NUAK1: variants seen among roughly 807,000 people sequenced by gnomAD.
NUAK1 encodes NUAK family SNF1-like kinase 1.
A neutral mutation model predicts 56.9 loss-of-function variants in NUAK1; 26 were observed. The observed-to-expected ratio is 0.46, with a 90% CI of 0.33 to 0.63. The LOEUF is 0.63. Among genes scored for constraint, NUAK1 ranks in the 30% least tolerant of loss-of-function variants. The pLI, the probability that NUAK1 is intolerant of heterozygous loss-of-function variation, is 0.02. For missense variants in NUAK1, 727 were observed against 876.1 expected (o/e 0.83, Z 2.15); for synonymous variants, 337 against 336.0 (o/e 1.00, Z -0.03).
At chr12:106,090,091 G>C (rs1447404998) in intron 2 of NUAK1, among the ~76,000 whole-genome samples, 1 of 152,086 alleles carries the variant, frequency 6.6e-6, no homozygotes, top group Non-Finnish European at 1.5e-5. Flanking sequence ...TCCTCCTATT[G>C]GCATCCAGAA....
chr12:106,098,902 G>T (rs2032721597), intron 2 of NUAK1, among the ~76,000 whole-genome samples: 1 of 152,042 alleles, frequency 6.6e-6, no homozygotes, highest in Non-Finnish European at 1.5e-5. Flanking sequence ...AGCTCCAGTG[G>T]GCACTTCCTT....
intron 1 of NUAK1, among the ~76,000 whole-genome samples, chr12:106,107,269 A>G (rs61417625): frequency 0.032 from 4,913 of 152,288 alleles, 275 homozygotes; most frequent in African/African-American, 0.11. Context: ...TGGAGCAATT[A>G]CTCAAAAGAA....
chr12:106,064,137 T>G lies in NUAK1; in HGVS notation c.*2665A>C, dbSNP rs2032308981. 1 of 152,652 alleles carries G rather than the reference T, an allele frequency of 6.6e-6. No homozygotes were observed. Among genetic ancestry groups the G allele is most frequent in the Non-Finnish European group, 1.5e-5 (1 of 68,040 alleles). The allele number at this position is 152,652 out of a possible 1,614,324, so 9.5% of individuals were successfully genotyped here. A position where few individuals can be genotyped will look rare whatever the true frequency, so the allele number is the denominator to read the frequency against. On this transcript the variant is annotated 3_prime_UTR_variant, in exon 7 of 7. Coordinates refer to ENST00000261402, the MANE Select transcript of NUAK1 (RefSeq NM_014840.3). ...CCTAAAAGTGTCTCTCACTTGTAATTCCACAGAAGTGAATAAAGCATAACT... is the reference window on the plus strand; with the variant it reads ...CCTAAAAGTGTCTCTCACTTGTAATGCCACAGAAGTGAATAAAGCATAACT...
intron 2 of NUAK1, among the ~76,000 whole-genome samples, chr12:106,090,241 G>C (rs1359550489): frequency 6.6e-6 from 1 of 152,048 alleles, no homozygotes; most frequent in Non-Finnish European, 1.5e-5. Flanking sequence ...CCTGGCTCTG[G>C]GACACCATCC....
chr12:106,110,792 C>T lies in NUAK1; in HGVS notation c.241-4267G>A, dbSNP rs534759645. Among the ~76,000 whole-genome samples the T allele has an allele frequency of 3.9e-5, 6 of 152,368 alleles. No homozygotes were observed. In the South Asian group the frequency reaches 1.2e-3, roughly 32 times the overall value. ...TATGGTTTAATGTTTAAACCTTCTG[C>T]AGCAGCAGGTTTGGTGGAGAACCTG... On this transcript the variant is annotated intron_variant, in intron 1 of 6. Transcript: ENST00000261402.
chr12:106,127,478 G>A (rs1316106781), intron 1 of NUAK1, among the ~76,000 whole-genome samples: 1 of 152,150 alleles, frequency 6.6e-6, no homozygotes, highest in Non-Finnish European at 1.5e-5. Flanking sequence ...AACATTTTCT[G>A]TCTCACATAG....
chr12:106,106,609 GATGTTACTTGTTGGCAGA>G (rs1360193089), intron 1 of NUAK1, 84 bp from the exon 2 acceptor site: 14 of 1,410,524 alleles, frequency 9.9e-6, no homozygotes, highest in Non-Finnish European at 1.3e-5. Flanking sequence ...AATAAATACA[GATGTTACTTGTTGGCAGA>G]ACTGACAATA....
chr12:106,066,561 G>A lies in NUAK1; in HGVS notation c.*241C>T, dbSNP rs545703888. 1.6e-4 allele frequency: 91 copies of A among 553,424 alleles called. No individual in the cohort carries two copies. The highest frequency in any genetic ancestry group is 1.4e-3 in the African/African-American group (75 of 53,200). The allele number at this position is 553,424 out of a possible 1,614,324, so 34.3% of individuals were successfully genotyped here. A position where few individuals can be genotyped will look rare whatever the true frequency, so the allele number is the denominator to read the frequency against. On this transcript the variant is annotated 3_prime_UTR_variant, in exon 7 of 7. Coordinates refer to ENST00000261402, the MANE Select transcript of NUAK1 (RefSeq NM_014840.3). The stretch of plus-strand genomic sequence containing the variant: ...CCCTGGACAGCTGGTCCTCTAGGAG[G>A]TGCCATAAAGCAAATGCCAAACAGG...
At chr12:106,082,870 T>C (rs2032531457) in intron 4 of NUAK1, among the ~76,000 whole-genome samples, 1 of 152,174 alleles carries the variant, frequency 6.6e-6, no homozygotes, top group East Asian at 1.9e-4. Flanking sequence ...ATCATTCCCA[T>C]GCTTTGCCCA....
Position 106,125,922 on chromosome 12 carries a change from T to C in NUAK1, c.240+12492A>G, listed in dbSNP as rs954599040. ...ACAGACCATTAGTCTCCCCCCTGCA[T>C]GCCTTCTGCTAATGGAAGAAAGAGT... On this transcript the variant is annotated intron_variant, in intron 1 of 6. Transcript: ENST00000261402. Among the ~76,000 whole-genome samples, 6 of 152,196 alleles carry C rather than the reference T, an allele frequency of 3.9e-5. No individual in the cohort carries two copies. The East Asian group carries it at 9.6e-4, about 24-fold the overall frequency.
Position 106,065,313 on chromosome 12 carries a change from T to G in NUAK1, c.*1489A>C, listed in dbSNP as rs1405602449. ...TCTAGTTTTTTGTTTTGTTTTGTTT[T>G]GTTTTGTTTACTTTTTAAGATAAGA... On this transcript the variant is annotated 3_prime_UTR_variant, in exon 7 of 7. Transcript: ENST00000261402. The G allele has an allele frequency of 6.6e-6, 1 of 152,136 alleles. No individual in the cohort carries two copies. The highest frequency in any genetic ancestry group is 1.5e-5 in the Non-Finnish European group (1 of 68,032). The allele number at this position is 152,136 out of a possible 1,614,324, so 9.4% of individuals were successfully genotyped here. A position where few individuals can be genotyped will look rare whatever the true frequency, so the allele number is the denominator to read the frequency against.
chr12:106,067,939 T>G lies in NUAK1; in HGVS notation c.849A>C (p.Ile283=). The change falls in exon 7 of 7, where the codon ATA becomes ATC. Residue 283 remains isoleucine, a synonymous_variant. Coordinates refer to ENST00000261402, the MANE Select transcript of NUAK1 (RefSeq NM_014840.3). The surrounding 1 kb of genome is among the most constrained non-coding windows in gnomAD (Gnocchi z 6.0). ...CGGGGTTCACCATCAGCATCCACCG[T>G]ATGAGTCCTCGAGCATCTAAGGGAC... is the stretch of plus-strand genomic sequence containing the variant. The part of the protein sequence containing the change: ...PTQPSDARGL[I]RWMLMVNPDR... 1 of 1,609,126 alleles carries G rather than the reference T, an allele frequency of 6.2e-7. No individual in the cohort carries two copies. Among genetic ancestry groups the G allele is most frequent in the Non-Finnish European group, 8.5e-7 (1 of 1,176,588 alleles).
chr12:106,066,961 C>T lies in NUAK1; in HGVS notation c.1827G>A (p.Gln609=), dbSNP rs773344923. Residue 609 remains glutamine (Q), a synonymous_variant, in exon 7 of 7, where the codon CAG becomes CAA. Coordinates refer to ENST00000261402, the MANE Select transcript of NUAK1 (RefSeq NM_014840.3). ...RSCVSAENFL[Q]IQDFEGLQNR... is the part of the protein sequence containing the mutation. ...TCTGGAGCCCCTCAAAGTCCTGGAT[C>T]TGGAGGAAGTTTTCTGCAGAGACGC... is the stretch of plus-strand genomic sequence containing the variant. 1 of 1,614,252 alleles carries T rather than the reference C, an allele frequency of 6.2e-7. No individual in the cohort carries two copies. Among genetic ancestry groups the T allele is most frequent in the Non-Finnish European group, 8.5e-7 (1 of 1,180,042 alleles).
intron 1 of NUAK1, among the ~76,000 whole-genome samples, chr12:106,130,288 C>A (rs2136484692): frequency 6.6e-6 from 1 of 152,296 alleles, no homozygotes; most frequent in Admixed American, 6.5e-5. Flanking sequence ...AGCCTCGACA[C>A]CTCATTTCTA....
chr12:106,073,997 A>G (rs922282139), intron 4 of NUAK1, among the ~76,000 whole-genome samples: 1 of 151,050 alleles, frequency 6.6e-6, no homozygotes, highest in Admixed American at 6.7e-5. Context: ...TTTTACATAT[A>G]TATGTATATG....
intron 1 of NUAK1, among the ~76,000 whole-genome samples, chr12:106,123,461 T>G (rs1365704640): frequency 5.3e-5 from 8 of 152,162 alleles, no homozygotes; most frequent in Non-Finnish European, 1.0e-4. Flanking sequence ...AATTTTAACT[T>G]TAATAGCCAT....
chr12:106,129,986 T>C (rs547836979), intron 1 of NUAK1, among the ~76,000 whole-genome samples: 203 of 152,064 alleles, frequency 1.3e-3, no homozygotes, highest in South Asian at 4.2e-3. Context: ...CCTTTTTTTT[T>C]TCTCTCTCTC....
intron 1 of NUAK1, among the ~76,000 whole-genome samples, chr12:106,109,598 C>T (rs1425687090): frequency 6.6e-6 from 1 of 150,704 alleles, no homozygotes; most frequent in African/African-American, 2.4e-5. Flanking sequence ...GCAGCTCCTG[C>T]AAAAGTATCT....
Position 106,064,237 on chromosome 12 carries a change from C to T in NUAK1, c.*2565G>A, listed in dbSNP as rs549062811. On this transcript the variant is annotated 3_prime_UTR_variant, in exon 7 of 7. Coordinates refer to ENST00000261402, the MANE Select transcript of NUAK1 (RefSeq NM_014840.3). ...AGGGAGCTGCTTTAATGGCTTTTCC[C>T]TCTATTGCAAGTTTTTCCTTGAAAG... 1 of 152,458 alleles carries T rather than the reference C, an allele frequency of 6.6e-6. No homozygotes were observed. The highest frequency in any genetic ancestry group is 1.9e-4 in the East Asian group (1 of 5,182). The allele number at this position is 152,458 out of a possible 1,614,324, so 9.4% of individuals were successfully genotyped here. A position where few individuals can be genotyped will look rare whatever the true frequency, so the allele number is the denominator to read the frequency against.
Sources: gnomAD v4.1 joint callset for allele counts (sites outside exome capture counted in the v4.1 genomes callset) on GRCh38, gnomAD v4.1.1 for gene constraint, Gnocchi (gnomAD v3.1) non-coding constraint, MANE v1.5 for transcripts, NCBI Gene and HGNC (gene_info 2026-07-23, HGNC 2026-07-21) for gene names.